The following FBXO4 variants were observed in gnomAD, a reference collection of about 807,000 sequenced individuals.
FBXO4 encodes F-box protein 4, also known as F-box only protein 4.
In FBXO4, 36 loss-of-function variants were observed where a neutral mutation model predicts 43.7. The observed-to-expected ratio is 0.82, with a 90% CI of 0.63 to 1.09. The LOEUF is 1.09. Among genes scored for constraint, FBXO4 ranks in the 50% least tolerant of loss-of-function variants. The pLI, the probability that FBXO4 is intolerant of heterozygous loss-of-function variation, is 0.00. For synonymous variants in FBXO4, 180 were observed against 165.6 expected, an observed-to-expected ratio of 1.09 and a Z score of -0.67; for missense variants, 435 against 474.1, an observed-to-expected ratio of 0.92 and a Z score of 0.77.
At position 41,939,533 on chromosome 5, in the gene FBXO4, A is replaced by G; in HGVS notation, c.991A>G (p.Ile331Val). Residue 331 changes from isoleucine to valine, a missense_variant, in exon 6 of 7, where the codon ATT (isoleucine) becomes GTT (valine). Coordinates refer to ENST00000281623, the MANE Select transcript of FBXO4 (RefSeq NM_012176.3). ...SGRPLLVLSC[I>V]SQGDVKRMPC... ...AAGACCATTGTTGGTTTTATCTTGTATTTCTCAAGGGGATGTAAAAAGAAT... is the reference window on the plus strand; with the variant it reads ...AAGACCATTGTTGGTTTTATCTTGTGTTTCTCAAGGGGATGTAAAAAGAAT... 1 of 1,613,852 alleles carries G rather than the reference A, an allele frequency of 6.2e-7. No individual in the cohort carries two copies. Among genetic ancestry groups the G allele is most frequent in the Non-Finnish European group, 8.5e-7 (1 of 1,179,872 alleles).
chr5:41,968,834 TC>T, the FBXO4 span, among the ~76,000 whole-genome samples: 1 of 152,168 alleles, frequency 6.6e-6, no homozygotes, highest in African/African-American at 2.4e-5. Flanking sequence ...TTCATTGACA[TC>T]CTCATGTTTT....
intron 5 of FBXO4, 87 bp downstream of exon 5, chr5:41,934,395 A>C (rs1048041749): frequency 4.4e-6 from 7 of 1,574,980 alleles, no homozygotes; most frequent in Non-Finnish European, 6.0e-6. Flanking sequence ...GTGGCTTCTT[A>C]AGAATATGAT....
At chr5:42,029,568 A>G in the FBXO4 span, among the ~76,000 whole-genome samples, 2 of 151,988 alleles carry the variant, frequency 1.3e-5, no homozygotes, top group Admixed American at 6.6e-5. Context: ...CTTGGGGCCA[A>G]TAACTCAGAT....
Position 41,941,206 on chromosome 5 carries a change from G to A in FBXO4, c.1089G>A (p.Glu363=), listed in dbSNP as rs1751996832. The change falls in exon 7 of 7, where the codon GAG becomes GAA. Residue 363 remains glutamate (E), a synonymous_variant. Coordinates refer to ENST00000281623, the MANE Select transcript of FBXO4 (RefSeq NM_012176.3). ...TGTATTCCGAGGTCCAGGATACAGA[G>A]GCTGAAACTCTGACTGGTTTTTTGA... The part of the protein sequence containing the change: ...LNHPWLVQDT[E]AETLTGFLNG... The A allele has an allele frequency of 3.7e-6, 6 of 1,613,672 alleles. No individual in the cohort carries two copies. In the South Asian group the frequency reaches 5.5e-5, roughly 15 times the overall value.
the FBXO4 span, among the ~76,000 whole-genome samples, chr5:42,023,669 A>T: frequency 6.6e-6 from 1 of 151,982 alleles, no homozygotes; most frequent in Non-Finnish European, 1.5e-5. Flanking sequence ...CATCACAAAC[A>T]AGGGCAAAGC....
the FBXO4 span, among the ~76,000 whole-genome samples, chr5:42,021,192 G>A: frequency 1.3e-5 from 2 of 152,152 alleles, no homozygotes; most frequent in Non-Finnish European, 2.9e-5. Flanking sequence ...AATCGGATAA[G>A]AGTTGAAGGA....
chr5:41,986,272 G>C, the FBXO4 span, among the ~76,000 whole-genome samples: 8 of 151,628 alleles, frequency 5.3e-5, no homozygotes, highest in African/African-American at 1.5e-4. Context: ...TTCCCTCTAG[G>C]CTCCACTGTT....
At chr5:42,032,783 G>T in the FBXO4 span, among the ~76,000 whole-genome samples, 1 of 152,102 alleles carries the variant, frequency 6.6e-6, no homozygotes, top group South Asian at 2.1e-4. Context: ...TTTTCCCTCT[G>T]ATTGTTTCAA....
At chr5:41,952,062 C>G in the FBXO4 span, 5 of 222,344 alleles carry the variant, frequency 2.2e-5, no homozygotes, top group Non-Finnish European at 4.6e-5. Context: ...GATGCTATCA[C>G]TTTTTCTTTT....
At chr5:41,976,078 A>C in the FBXO4 span, among the ~76,000 whole-genome samples, 22 of 152,082 alleles carry the variant, frequency 1.4e-4, no homozygotes, top group Admixed American at 1.3e-3. Context: ...ATGAGAACTC[A>C]CTCATCACCA....
At chr5:42,023,607 C>A in the FBXO4 span, among the ~76,000 whole-genome samples, 2 of 152,016 alleles carry the variant, frequency 1.3e-5, 1 homozygote. Context: ...GCAGAAATAT[C>A]CATGGCCATT....
At chr5:41,966,352 T>C in the FBXO4 span, among the ~76,000 whole-genome samples, 2 of 152,054 alleles carry the variant, frequency 1.3e-5, no homozygotes, top group Non-Finnish European at 2.9e-5. Context: ...AAAGAAACTA[T>C]ACAGATATTC....
At chr5:41,945,458 T>C (rs1459569508), downstream of FBXO4, among the ~76,000 whole-genome samples, 5 of 152,192 alleles carry the variant, frequency 3.3e-5, no homozygotes, top group Admixed American at 6.5e-5. Context: ...AAAGATGAAA[T>C]GCTCCTGATT....
At chr5:42,011,960 A>G in the FBXO4 span, among the ~76,000 whole-genome samples, 1 of 152,180 alleles carries the variant, frequency 6.6e-6, no homozygotes, top group Admixed American at 6.5e-5. Flanking sequence ...TGTTCTGGGA[A>G]ACAAATACCG....
chr5:42,005,285 T>C, the FBXO4 span, among the ~76,000 whole-genome samples: 2 of 152,282 alleles, frequency 1.3e-5, no homozygotes, highest in South Asian at 4.1e-4. Context: ...GTTCAAATTA[T>C]AAACTTTATT....
chr5:42,028,547 A>T, the FBXO4 span, among the ~76,000 whole-genome samples: 1 of 151,514 alleles, frequency 6.6e-6, no homozygotes, highest in Non-Finnish European at 1.5e-5. Flanking sequence ...AGAAGTAAGG[A>T]CTTCCTCCTG....
chr5:41,927,152 G>C lies in FBXO4; in HGVS notation c.329G>C (p.Trp110Ser). The change falls in exon 2 of 7, where the codon TGG becomes TCG. Residue 110 changes from tryptophan (W) to serine (S), a missense_variant. Coordinates refer to ENST00000281623, the MANE Select transcript of FBXO4 (RefSeq NM_012176.3). ...RYFLLRDLPSWSSVDWKSLPD... is the reference protein window; with the variant it reads ...RYFLLRDLPSSSSVDWKSLPD... ...TTTTTGTTGAGGGATCTTCCTTCTT[G>C]GTCTTCTGTTGACTGGAAGTCTCTT... The C allele has an allele frequency of 6.2e-7, 1 of 1,613,794 alleles. No individual in the cohort carries two copies. Among genetic ancestry groups the C allele is most frequent in the Non-Finnish European group, 8.5e-7 (1 of 1,179,886 alleles).
the FBXO4 span, among the ~76,000 whole-genome samples, chr5:42,032,633 C>T: frequency 1.3e-5 from 2 of 152,256 alleles, no homozygotes; most frequent in Admixed American, 1.3e-4. Context: ...GGACAGTGGG[C>T]TCCCCTCTGG....
chr5:42,020,490 G>A, the FBXO4 span, among the ~76,000 whole-genome samples: 1 of 152,184 alleles, frequency 6.6e-6, no homozygotes, highest in South Asian at 2.1e-4. Flanking sequence ...ATGTTTATCT[G>A]TGATTACCAG....
Sources: gnomAD v4.1 joint callset for allele counts (sites outside exome capture counted in the v4.1 genomes callset) on GRCh38, gnomAD v4.1.1 for gene constraint, MANE v1.5 for transcripts, NCBI Gene and HGNC (gene_info 2026-07-23, HGNC 2026-07-21) for gene names.